SOX5: variants seen among roughly 807,000 people sequenced by gnomAD.
SOX5 encodes SRY-box transcription factor 5.
In SOX5, 9 loss-of-function variants were observed where a neutral mutation model predicts 92.0. The observed-to-expected ratio is 0.10, with a 90% CI of 0.06 to 0.17. The LOEUF (loss-of-function observed/expected upper bound fraction) is 0.17. Among genes scored for constraint, SOX5 ranks in the 10% least tolerant of loss-of-function variants. The pLI is 1.00. For synonymous variants in SOX5, 344 were observed against 336.3 expected, an observed-to-expected ratio of 1.02 and a Z score of -0.25; for missense variants, 642 against 944.5, an observed-to-expected ratio of 0.68 and a Z score of 4.20.
chr12:24,479,735 A>G lies in SOX5; in HGVS notation c.-251+82594T>C, dbSNP rs553350005. Among the ~76,000 whole-genome samples, 111 of 151,982 alleles carry G rather than the reference A, an allele frequency of 7.3e-4. 3 individuals carry two copies. The South Asian group carries it at 0.019, about 27-fold the overall frequency. ...GGCTGGAATGCAGTGGCACAATCTC[A>G]GCTTACTGCAACCTGTGCCTCCCAG... is the stretch of plus-strand genomic sequence containing the variant. On this transcript the variant is annotated intron_variant, in intron 1 of 4. Transcript: ENST00000446891.
At chr12:24,085,076 C>A (rs17407659) in intron 4 of SOX5, among the ~76,000 whole-genome samples, 1 of 136,702 alleles carries the variant, frequency 7.3e-6, no homozygotes, top group East Asian at 2.5e-4. Flanking sequence ...AAAAAGAGGG[C>A]GCATGTTCTT....
intron 2 of SOX5, among the ~76,000 whole-genome samples, chr12:24,339,539 T>C (rs1442893859): frequency 1.3e-5 from 2 of 152,196 alleles, no homozygotes; most frequent in African/African-American, 4.8e-5. Context: ...TTATTCTCAG[T>C]GCACTGGGAG....
chr12:23,889,117 A>C (rs1394468160), intron 2 of SOX5, among the ~76,000 whole-genome samples: 1 of 152,170 alleles, frequency 6.6e-6, no homozygotes, highest in Non-Finnish European at 1.5e-5. Context: ...AAAAGTAATT[A>C]CACTTTTGTT....
chr12:24,326,819 C>A (rs1010709716), intron 2 of SOX5, among the ~76,000 whole-genome samples: 1 of 150,364 alleles, frequency 6.7e-6, no homozygotes, highest in African/African-American at 2.4e-5. Flanking sequence ...CAGGTCTACC[C>A]ACCCACTCAT....
At chr12:24,189,190 G>A (rs1225933682) in intron 4 of SOX5, among the ~76,000 whole-genome samples, 1 of 152,146 alleles carries the variant, frequency 6.6e-6, no homozygotes, top group East Asian at 1.9e-4. Context: ...TCAAGTACAG[G>A]CACTCAGCAT....
intron 4 of SOX5, among the ~76,000 whole-genome samples, chr12:24,015,122 CT>C (rs1263708145): frequency 1.3e-5 from 2 of 151,892 alleles, no homozygotes; most frequent in African/African-American, 2.4e-5. Flanking sequence ...CTCTCTCTCC[CT>C]TTTTTCCCCC....
chr12:24,362,935 C>T (rs1307152740), intron 2 of SOX5, among the ~76,000 whole-genome samples: 6 of 151,068 alleles, frequency 4.0e-5, no homozygotes, highest in Non-Finnish European at 8.8e-5. Flanking sequence ...TGTCTTGATC[C>T]ACCAGTAGAA....
chr12:23,565,895 T>A (rs906765097), intron 10 of SOX5, among the ~76,000 whole-genome samples: 3 of 152,240 alleles, frequency 2.0e-5, no homozygotes, highest in African/African-American at 7.2e-5. Flanking sequence ...TTAACCCTGC[T>A]GACTCCGTCT....
intron 2 of SOX5, among the ~76,000 whole-genome samples, chr12:24,333,253 A>G (rs1951530050): frequency 6.6e-6 from 1 of 152,012 alleles, no homozygotes; most frequent in African/African-American, 2.4e-5. Context: ...CAAAAAAAGT[A>G]TAGATGATGA....
intron 2 of SOX5, among the ~76,000 whole-genome samples, chr12:24,322,954 T>C (rs73062401): frequency 0.068 from 10,290 of 152,186 alleles, 379 homozygotes; most frequent in Middle Eastern, 0.078. Context: ...ACAAACTATG[T>C]GTTACTACTA....
At chr12:23,755,975 CT>C (rs2094357539) in intron 3 of SOX5, among the ~76,000 whole-genome samples, 1 of 151,780 alleles carries the variant, frequency 6.6e-6, no homozygotes, top group South Asian at 2.1e-4. Flanking sequence ...ACACATAAAC[CT>C]TGCGGTTCAT....
At chr12:24,075,089 C>G (rs1942373003) in intron 4 of SOX5, among the ~76,000 whole-genome samples, 1 of 150,466 alleles carries the variant, frequency 6.6e-6, no homozygotes, top group South Asian at 2.1e-4. Context: ...TAGGGAGACC[C>G]CATCTCTACA....
chr12:24,355,526 T>C (rs503684), intron 2 of SOX5, among the ~76,000 whole-genome samples: 127,058 of 151,840 alleles, frequency 0.84, 53,813 homozygotes, highest in East Asian at 0.98. Flanking sequence ...CATTTTAAAA[T>C]GCCTTTAAGG....
At position 23,615,848 on chromosome 12, in the gene SOX5, T is replaced by G. The variant is rs576967263; in HGVS notation, c.1018-11315A>C. On this transcript the variant is annotated intron_variant, in intron 8 of 14. Transcript: ENST00000451604. ...TGAGTGGTAAAACTTCTTTATATAT[T>G]TGAATTTGACTTTAAAGGGTAAAAC... 7.9e-5 allele frequency among the ~76,000 whole-genome samples: 12 copies of G among 152,272 alleles called. No individual in the cohort carries two copies. The South Asian group carries it at 2.3e-3, about 29-fold the overall frequency.
At chr12:24,400,179 A>C (rs1418490606) in intron 1 of SOX5, among the ~76,000 whole-genome samples, 3 of 152,242 alleles carry the variant, frequency 2.0e-5, no homozygotes, top group Non-Finnish European at 4.4e-5. Context: ...AATTGGTCTT[A>C]AATTTAGAAG....
At chr12:24,341,474 C>G (rs772064226) in intron 2 of SOX5, among the ~76,000 whole-genome samples, 14 of 152,182 alleles carry the variant, frequency 9.2e-5, no homozygotes, top group Non-Finnish European at 1.6e-4. Context: ...GAAACCGTCT[C>G]AAAAATTAAT....
intron 2 of SOX5, among the ~76,000 whole-genome samples, chr12:23,883,567 T>A (rs2097024696): frequency 6.6e-6 from 1 of 152,166 alleles, no homozygotes; most frequent in Non-Finnish European, 1.5e-5. Context: ...CATCTACATA[T>A]GGAGAAGTTC....
intron 1 of SOX5, among the ~76,000 whole-genome samples, chr12:24,444,887 G>A (rs1941226242): frequency 6.6e-6 from 1 of 152,110 alleles, no homozygotes; most frequent in Non-Finnish European, 1.5e-5. Flanking sequence ...CCTTGCATAA[G>A]CTATTGTTCC....
chr12:24,466,846 G>T (rs961500089), intron 1 of SOX5, among the ~76,000 whole-genome samples: 1 of 152,192 alleles, frequency 6.6e-6, no homozygotes, highest in Non-Finnish European at 1.5e-5. Flanking sequence ...CAGGTAATCT[G>T]ATGCATAATC....
Sources: allele counts gnomAD v4.1 joint callset (sites outside exome capture counted in the v4.1 genomes callset), GRCh38; gene constraint gnomAD v4.1.1; transcripts MANE v1.5; gene names NCBI Gene and HGNC (gene_info 2026-07-23, HGNC 2026-07-21).